The following RBPJ variants were observed in gnomAD, a reference collection of about 807,000 sequenced individuals.
The protein encoded by RBPJ is recombination signal binding protein for immunoglobulin kappa J region, also known as recombining binding protein suppressor of hairless.
RBPJ carries 9 observed loss-of-function variants against 67.8 expected under a neutral mutation model. The observed-to-expected ratio is 0.13, with a 90% CI of 0.08 to 0.23. The LOEUF (loss-of-function observed/expected upper bound fraction) is 0.23, where lower values mean the gene tolerates loss of function less well. Ranked by LOEUF, RBPJ falls within the 10% of genes least tolerant of loss-of-function variation. The probability of loss-of-function intolerance (pLI) is 1.00; values close to 1 mark genes in which losing one functional copy is unlikely to be tolerated. For synonymous variants in RBPJ, 198 were observed against 203.3 expected, an observed-to-expected ratio of 0.97 and a Z score of 0.22; for missense variants, 305 against 595.6, an observed-to-expected ratio of 0.51 and a Z score of 5.08.
At chr4:26,417,705 T>C (rs927897436) in intron 4 of RBPJ, among the ~76,000 whole-genome samples, 5 of 152,224 alleles carry the variant, frequency 3.3e-5, no homozygotes, top group African/African-American at 9.6e-5. Context: ...TAGGCAAAGA[T>C]GTCCTGAGCA....
intron 3 of RBPJ, among the ~76,000 whole-genome samples, chr4:26,411,281 G>T (rs1409798337): frequency 1.3e-5 from 2 of 151,022 alleles, no homozygotes; most frequent in Non-Finnish European, 2.9e-5. Context: ...AATAAATAAA[G>T]ATGTATTTAA....
At chr4:26,125,721 C>T in the RBPJ span, among the ~76,000 whole-genome samples, 1 of 151,958 alleles carries the variant, frequency 6.6e-6, no homozygotes, top group Non-Finnish European at 1.5e-5. Flanking sequence ...ATCGCTTAGA[C>T]CTGGGAGGTG....
At position 26,430,934 on chromosome 4, in the gene RBPJ, G is replaced by A. The variant is rs1415662519; in HGVS notation, c.1391G>A (p.Ser464Asn). 10 of 1,613,976 alleles carry A rather than the reference G, an allele frequency of 6.2e-6. No individual in the cohort carries two copies. In the South Asian group the frequency reaches 9.9e-5, roughly 16 times the overall value. ...CCCCCTAACGAATCAAACACAAACA[G>A]CGAGGGAAGTTACACAAACGCCAGC... ...QVPPNESNTN[S>N]EGSYTNASTN... The change falls in exon 11 of 11, where the codon AGC (serine) becomes AAC (asparagine). Residue 464 changes from serine (S) to asparagine (N), a missense_variant. This residue lies in a region of RBPJ where 51 missense variants were observed against 52.8 expected (regional missense o/e 0.97). Coordinates refer to ENST00000355476, the MANE Select transcript of RBPJ (RefSeq NM_015874.6). This position sits in a 1 kb window ranked among gnomAD's most constrained non-coding sequence, Gnocchi z 4.1.
chr4:26,370,061 A>T (rs964111091), intron 1 of RBPJ, among the ~76,000 whole-genome samples: 1 of 152,208 alleles, frequency 6.6e-6, no homozygotes, highest in Non-Finnish European at 1.5e-5. Flanking sequence ...AATAGCATAA[A>T]TCTTAGATCT....
At chr4:26,255,599 G>A (rs542628775) in intron 1 of RBPJ, among the ~76,000 whole-genome samples, 17 of 148,768 alleles carry the variant, frequency 1.1e-4, no homozygotes, top group East Asian at 1.0e-3. Flanking sequence ...TCGGGAGATC[G>A]AGACCATCCT....
chr4:26,329,563 C>T (rs1314886337), intron 1 of RBPJ, among the ~76,000 whole-genome samples: 3 of 152,046 alleles, frequency 2.0e-5, no homozygotes, highest in Admixed American at 6.6e-5. Flanking sequence ...AATAATACCT[C>T]ATGGTATTGA....
chr4:26,202,969 A>AAGGAAG (rs1560208702), intron 1 of RBPJ, among the ~76,000 whole-genome samples: 7 of 41,374 alleles, frequency 1.7e-4, no homozygotes, highest in African/African-American at 5.7e-4. Flanking sequence ...AAGGAAGGAA[A>AAGGAAG]TAAGGAAGGA....
At chr4:26,113,645 C>T in the RBPJ span, 69 of 298,794 alleles carry the variant, frequency 2.3e-4, 2 homozygotes, top group Admixed American at 1.9e-3. Context: ...AACACACACA[C>T]GAGAGAAATC....
intron 1 of RBPJ, among the ~76,000 whole-genome samples, chr4:26,210,760 T>TTCTTTCC (rs1560212230): frequency 3.8e-4 from 38 of 100,062 alleles, no homozygotes; most frequent in African/African-American, 1.5e-3. Context: ...TCCTTCTTTC[T>TTCTTTCC]TTCTTTCTTT....
chr4:26,146,901 A>C, the RBPJ span, among the ~76,000 whole-genome samples: 2 of 152,236 alleles, frequency 1.3e-5, no homozygotes, highest in African/African-American at 4.8e-5. Flanking sequence ...ATCCAATGGG[A>C]GCACCCTCCA....
chr4:26,194,494 A>G (rs917853054), intron 1 of RBPJ, among the ~76,000 whole-genome samples: 3 of 152,214 alleles, frequency 2.0e-5, no homozygotes, highest in Non-Finnish European at 4.4e-5. Context: ...CAGATGAGGA[A>G]ACTAGGTTCA....
chr4:26,304,048 C>T (rs1337846442), intron 1 of RBPJ, among the ~76,000 whole-genome samples: 1 of 152,162 alleles, frequency 6.6e-6, no homozygotes, highest in Non-Finnish European at 1.5e-5. Context: ...ACTGCCGGGC[C>T]CTAGACAGCC....
chr4:26,234,297 TTTA>T (rs1186743329), intron 1 of RBPJ, among the ~76,000 whole-genome samples: 3 of 152,168 alleles, frequency 2.0e-5, no homozygotes, highest in African/African-American at 7.2e-5. Flanking sequence ...TCAACAAGCA[TTTA>T]TTAAGTCTGT....
At chr4:26,267,986 A>G (rs1251870979) in intron 1 of RBPJ, among the ~76,000 whole-genome samples, 1 of 152,220 alleles carries the variant, frequency 6.6e-6, no homozygotes, top group African/African-American at 2.4e-5. Flanking sequence ...TATCTGCCCA[A>G]TTACATCTAG....
At chr4:26,236,929 T>A (rs1315609066) in intron 1 of RBPJ, among the ~76,000 whole-genome samples, 1 of 152,158 alleles carries the variant, frequency 6.6e-6, no homozygotes, top group African/African-American at 2.4e-5. Context: ...TACTCTGAGT[T>A]TGATTTTATT....
chr4:26,146,865 C>T, the RBPJ span, among the ~76,000 whole-genome samples: 1 of 152,156 alleles, frequency 6.6e-6, no homozygotes, highest in Non-Finnish European at 1.5e-5. Flanking sequence ...CAAAATAAAA[C>T]AAATCGAGCA....
intron 4 of RBPJ, among the ~76,000 whole-genome samples, chr4:26,419,929 C>T (rs181602209): frequency 1.7e-4 from 26 of 152,158 alleles, no homozygotes; most frequent in South Asian, 6.2e-4. Context: ...ACATATGAAT[C>T]GTCCTTTTGG....
chr4:26,340,252 G>A (rs571853631), intron 1 of RBPJ, among the ~76,000 whole-genome samples: 9 of 152,332 alleles, frequency 5.9e-5, no homozygotes, highest in South Asian at 2.1e-4. Context: ...TGAGAAAGAC[G>A]TGGAGGGAGG....
chr4:26,219,213 A>G (rs1718820876), intron 1 of RBPJ, among the ~76,000 whole-genome samples: 2 of 152,146 alleles, frequency 1.3e-5, no homozygotes, highest in Non-Finnish European at 2.9e-5. Context: ...TCGTTATGTC[A>G]CCAGAGGAAG....
Sources: allele counts gnomAD v4.1 joint callset (sites outside exome capture counted in the v4.1 genomes callset), GRCh38; gene constraint gnomAD v4.1.1; regional missense constraint gnomAD v4.1.1; non-coding constraint Gnocchi (gnomAD v3.1); transcripts MANE v1.5; gene names NCBI Gene and HGNC (gene_info 2026-07-23, HGNC 2026-07-21).